The following SLC50A1 variants were observed in gnomAD, a reference collection of about 807,000 sequenced individuals.
SLC50A1 encodes the protein solute carrier family 50 member 1.
SLC50A1 carries 22 observed loss-of-function variants against 28.9 expected under a neutral mutation model. That is an observed-to-expected ratio of 0.76 (90% CI 0.54 to 1.09). The LOEUF is 1.09. SLC50A1 is among the 50% of genes least tolerant of loss of function. SLC50A1 has a pLI of 0.00. For missense variants in SLC50A1, 233 were observed against 273.4 expected, an observed-to-expected ratio of 0.85 and a Z score of 1.04; for synonymous variants, 96 against 110.6, an observed-to-expected ratio of 0.87 and a Z score of 0.83.
At chr1:155,137,166 G>C (rs1557791326) in intron 3 of SLC50A1, 1 of 628,336 alleles carries the variant, frequency 1.6e-6, no homozygotes. Flanking sequence ...CCTAGCCTGA[G>C]ATGCCTATGC....
In SLC50A1 at chr1:155,136,000, G is replaced by A. The variant is rs1297704965; in HGVS notation, c.80+9G>A. ...ATGTTCTCCGCCGGCCTGTGAGAGT[G>A]CGGCCGGGCTGGGTTGGGGAGGACT... On this transcript the variant is annotated intron_variant, in intron 1 of 5. Transcript: ENST00000368404. The A allele has an allele frequency of 6.2e-7, 1 of 1,613,952 alleles. No homozygotes were observed. The highest frequency in any genetic ancestry group is 1.7e-5 in the Admixed American group (1 of 60,014).
rs147850817 is a variant in SLC50A1 at position 155,138,217 on chromosome 1, G to T, written c.602G>T (p.Arg201Leu). ...CCAGGAATCGTCACCAGCTTTATCC[G>T]CTTCTGGCTTTTCTGGAAGTACCCC... ...NFPGIVTSFI[R>L]FWLFWKYPQE... Residue 201 changes from arginine (R) to leucine (L), a missense_variant, in exon 6 of 6, where the codon CGC becomes CTC. Arg to Leu is a moderately radical substitution (Grantham distance 102). Coordinates refer to ENST00000368404, the MANE Select transcript of SLC50A1 (RefSeq NM_018845.4). The T allele has an allele frequency of 1.2e-3, 2,011 of 1,614,118 alleles. 2 individuals are homozygous for T. Among genetic ancestry groups the T allele is most frequent in the Non-Finnish European group, 1.6e-3 (1,894 of 1,180,036 alleles).
upstream of SLC50A1, chr1:155,135,796 G>T: frequency 6.4e-7 from 1 of 1,558,000 alleles, no homozygotes; most frequent in Non-Finnish European, 8.7e-7. Flanking sequence ...CGAGCGTGCG[G>T]GGGCGGAGCC....
chr1:155,136,334 T>G lies in SLC50A1; in HGVS notation c.116T>G (p.Val39Gly), dbSNP rs1664466585. ...AGGCACATGCGAATGACCCGGAGTG[T>G]GGACAACGTCCAGTTCCTGCCCTTT... ...DLRHMRMTRSVDNVQFLPFLT... is the reference protein window; with the variant it reads ...DLRHMRMTRSGDNVQFLPFLT... Residue 39 changes from valine (V) to glycine (G), a missense_variant, in exon 2 of 6, where the codon GTG (valine) becomes GGG (glycine). Val to Gly is a moderately radical substitution (Grantham distance 109). Transcript: ENST00000368404. The G allele has an allele frequency of 6.2e-7, 1 of 1,611,820 alleles. No individual in the cohort carries two copies. Among genetic ancestry groups the G allele is most frequent in the Non-Finnish European group, 8.5e-7 (1 of 1,179,212 alleles).
At chr1:155,137,218 CT>C in intron 3 of SLC50A1, 1 of 554,930 alleles carries the variant, frequency 1.8e-6, no homozygotes, top group South Asian at 2.2e-5. Context: ...GGGGAAAGGG[CT>C]TTTGTCTCTG....
At chr1:155,136,666 C>A in intron 2 of SLC50A1, 162 bp from the exon 3 acceptor site, 1 of 1,045,474 alleles carries the variant, frequency 9.6e-7, no homozygotes, top group East Asian at 2.6e-5. Context: ...TGGCGTGAAC[C>A]CAGGAGGCGG....
chr1:155,136,543 A>C, intron 2 of SLC50A1, 167 bp downstream of exon 2: 1 of 732,848 alleles, frequency 1.4e-6, no homozygotes, highest in Non-Finnish European at 2.3e-6. Flanking sequence ...GGAGATCCAG[A>C]CCATCCTGGC....
upstream of SLC50A1, chr1:155,135,699 G>T: frequency 6.5e-7 from 1 of 1,550,214 alleles, no homozygotes; most frequent in South Asian, 1.2e-5. Context: ...CAGGGTACTG[G>T]GAAGGCGCTC....
Position 155,137,418 on chromosome 1 carries a change from G to A in SLC50A1, c.283-143G>A, listed in dbSNP as rs992141634. The stretch of plus-strand genomic sequence containing the variant: ...AAGACTTTCCTATCAAGTTGGTGGT[G>A]GGAAAGAAGCTGTGACAGTGCAGTG... On this transcript the variant is annotated intron_variant, in intron 3 of 5. Coordinates refer to ENST00000368404, the MANE Select transcript of SLC50A1 (RefSeq NM_018845.4). 8.7e-6 allele frequency: 8 copies of A among 923,790 alleles called. No individual in the cohort carries two copies. The African/African-American group carries it at 9.9e-5, about 11-fold the overall frequency. The allele number at this position is 923,790 out of a possible 1,614,324, so 57.2% of individuals were successfully genotyped here. A position where few individuals can be genotyped will look rare whatever the true frequency, so the allele number is the denominator to read the frequency against.
chr1:155,136,775 T>C, intron 2 of SLC50A1, 53 bp from the exon 3 acceptor site: 1 of 1,596,150 alleles, frequency 6.3e-7, no homozygotes, highest in Admixed American at 1.8e-5. Flanking sequence ...ACCCTTTGGG[T>C]CCTCCTCTCA....
chr1:155,137,514 G>T lies in SLC50A1; in HGVS notation c.283-47G>T, dbSNP rs775875634. On this transcript the variant is annotated intron_variant, in intron 3 of 5. Transcript: ENST00000368404. ...GGCAGGATGAATTAACTCTAGCAGG[G>T]AAGTCAGAGTGCACATCTGGAAGTA... 1.2e-5 allele frequency: 19 copies of T among 1,608,636 alleles called. No individual in the cohort carries two copies. In the South Asian group the frequency reaches 1.5e-4, roughly 13 times the overall value.
rs1664417115 is a variant in SLC50A1 at position 155,135,892 on chromosome 1, G to T, written c.-20G>T. ...CAGGCTCGCGGCGGGCGCTGGGCGC[G>T]GGATCCGACTCTAGTCGTAATGGAG... is the stretch of plus-strand genomic sequence containing the variant. On this transcript the variant is annotated 5_prime_UTR_variant, in exon 1 of 6. Transcript: ENST00000368404. 6.2e-7 allele frequency: 1 copy of T among 1,610,944 alleles called. No individual in the cohort carries two copies. The highest frequency in any genetic ancestry group is 8.5e-7 in the Non-Finnish European group (1 of 1,178,972).
chr1:155,138,082 G>A lies in SLC50A1; in HGVS notation c.548G>A (p.Arg183Lys). 1.9e-6 allele frequency: 3 copies of A among 1,614,124 alleles called. No homozygotes were observed. Among genetic ancestry groups the A allele is most frequent in the South Asian group, 2.2e-5 (2 of 91,080 alleles). ...ASWCLYGFRLRDPYIMVSNFP... is the reference protein window; with the variant it reads ...ASWCLYGFRLKDPYIMVSNFP... ...TGGTGCCTCTATGGGTTTCGACTCA[G>A]AGATCCCTATATCATGGTAAGCACA... Residue 183 changes from arginine (R) to lysine (K), a missense_variant, in exon 5 of 6, where the codon AGA (arginine) becomes AAA (lysine). Coordinates refer to ENST00000368404, the MANE Select transcript of SLC50A1 (RefSeq NM_018845.4).
chr1:155,136,835 G>A lies in SLC50A1; in HGVS notation c.166G>A (p.Gly56Ser), dbSNP rs1287422458. The change falls in exon 3 of 6, where the codon GGC becomes AGC. Residue 56 changes from glycine (G) to serine (S), a missense_variant. Physicochemically the swap from Gly to Ser is moderately conservative, Grantham distance 56. Coordinates refer to ENST00000368404, the MANE Select transcript of SLC50A1 (RefSeq NM_018845.4). ...PFLTTEVNNLGWLSYGALKGD... is the reference protein window; with the variant it reads ...PFLTTEVNNLSWLSYGALKGD... ...ATCCCCTCCACCCTGCAGCAACCTG[G>A]GCTGGCTGAGTTATGGGGCTTTGAA... 1 of 1,614,186 alleles carries A rather than the reference G, an allele frequency of 6.2e-7. No individual in the cohort carries two copies. Among genetic ancestry groups the A allele is most frequent in the Non-Finnish European group, 8.5e-7 (1 of 1,180,026 alleles).
Position 155,135,881 on chromosome 1 carries a change from G to A in SLC50A1, c.-31G>A. On this transcript the variant is annotated 5_prime_UTR_variant, in exon 1 of 6. Coordinates refer to ENST00000368404, the MANE Select transcript of SLC50A1 (RefSeq NM_018845.4). ...CCCGGCAACCGCAGGCTCGCGGCGG[G>A]CGCTGGGCGCGGGATCCGACTCTAG... 1 of 1,605,102 alleles carries A rather than the reference G, an allele frequency of 6.2e-7. No homozygotes were observed. Among genetic ancestry groups the A allele is most frequent in the Non-Finnish European group, 8.5e-7 (1 of 1,176,632 alleles).
At position 155,138,271 on chromosome 1, in the gene SLC50A1, T is replaced by C. The variant is rs1006453340; in HGVS notation, c.656T>C (p.Leu219Pro). 3.1e-6 allele frequency: 5 copies of C among 1,614,030 alleles called. No homozygotes were observed. Among genetic ancestry groups the C allele is most frequent in the Non-Finnish European group, 3.4e-6 (4 of 1,180,000 alleles). ...GAGCAAGACAGGAACTACTGGCTCCTGCAAACCTGAGGCTGCTCATCTGAC... is the reference window on the plus strand; with the variant it reads ...GAGCAAGACAGGAACTACTGGCTCCCGCAAACCTGAGGCTGCTCATCTGAC... ...PQEQDRNYWL[L>P]QT Residue 219 changes from leucine (L) to proline (P), a missense_variant, in exon 6 of 6, where the codon CTG (leucine) becomes CCG (proline). By Grantham distance (98) the Leu-to-Pro change is moderately conservative. Transcript: ENST00000368404.
In SLC50A1 at chr1:155,137,847, G is replaced by A. The variant is rs545164555; in HGVS notation, c.444+125G>A. Reference sequence around the variant, plus strand: ...GGAAGAAGACAAGGCAGTAGAAGTGGGCGAGTGGGAGGCAGGAAAGGTTGG... The same window carrying A: ...GGAAGAAGACAAGGCAGTAGAAGTGAGCGAGTGGGAGGCAGGAAAGGTTGG... On this transcript the variant is annotated intron_variant, in intron 4 of 5. Transcript: ENST00000368404. 21 of 1,578,724 alleles carry A rather than the reference G, an allele frequency of 1.3e-5. No individual in the cohort carries two copies. In the African/African-American group the frequency reaches 2.6e-4, roughly 19 times the overall value.
chr1:155,136,544 C>T (rs1664493977), intron 2 of SLC50A1, 168 bp downstream of exon 2: 1 of 730,056 alleles, frequency 1.4e-6, no homozygotes, highest in Admixed American at 2.4e-5. Flanking sequence ...GAGATCCAGA[C>T]CATCCTGGCT....
chr1:155,136,838 T>A lies in SLC50A1; in HGVS notation c.169T>A (p.Trp57Arg). The stretch of plus-strand genomic sequence containing the variant: ...CCCTCCACCCTGCAGCAACCTGGGC[T>A]GGCTGAGTTATGGGGCTTTGAAGGG... ...FLTTEVNNLGWLSYGALKGDG... is the reference protein window; with the variant it reads ...FLTTEVNNLGRLSYGALKGDG... Residue 57 changes from tryptophan (W) to arginine (R), a missense_variant, in exon 3 of 6, where the codon TGG becomes AGG. By Grantham distance (101) the Trp-to-Arg change is moderately radical (BLOSUM62 -3). Transcript: ENST00000368404. The A allele has an allele frequency of 6.2e-7, 1 of 1,614,196 alleles. No individual in the cohort carries two copies. Among genetic ancestry groups the A allele is most frequent in the South Asian group, 1.1e-5 (1 of 91,082 alleles).
Sources: gnomAD v4.1 joint callset for allele counts on GRCh38, gnomAD v4.1.1 for gene constraint, MANE v1.5 for transcripts, NCBI Gene and HGNC (gene_info 2026-07-23, HGNC 2026-07-21) for gene names.